DAAM1: variants seen among roughly 807,000 people sequenced by gnomAD.
The protein encoded by DAAM1 is dishevelled associated activator of morphogenesis 1, also known as disheveled-associated activator of morphogenesis 1.
DAAM1 carries 52 observed loss-of-function variants against 130.0 expected under a neutral mutation model. That is an observed-to-expected ratio of 0.40 (90% CI 0.32 to 0.50). The LOEUF is 0.50. Ranked by LOEUF, DAAM1 falls within the 20% of genes least tolerant of loss-of-function variation. The pLI is 0.61. For missense variants in DAAM1, 1,134 were observed against 1,303.8 expected, an observed-to-expected ratio of 0.87 and a Z score of 2.01; for synonymous variants, 452 against 444.5, an observed-to-expected ratio of 1.02 and a Z score of -0.21.
intron 14 of DAAM1, 93 bp downstream of exon 14, chr14:59,331,601 G>T (rs555795087): frequency 3.3e-6 from 5 of 1,510,510 alleles, no homozygotes; most frequent in Non-Finnish European, 3.5e-6. Context: ...GCTGTTAAAT[G>T]ATTTCATTTT....
At chr14:59,323,929 G>A (rs920168899) in intron 6 of DAAM1, among the ~76,000 whole-genome samples, 199 bp from the exon 7 acceptor site, 1 of 152,048 alleles carries the variant, frequency 6.6e-6, no homozygotes, top group African/African-American at 2.4e-5. Flanking sequence ...CTACTCGGGA[G>A]GCTGAGGCAA....
intron 1 of DAAM1, among the ~76,000 whole-genome samples, chr14:59,223,300 A>G (rs1888835106): frequency 6.6e-6 from 1 of 152,196 alleles, no homozygotes; most frequent in Non-Finnish European, 1.5e-5. Context: ...TGATCATATA[A>G]TACCCAATTC....
intron 2 of DAAM1, among the ~76,000 whole-genome samples, chr14:59,278,718 G>C (rs939964850): frequency 6.6e-6 from 1 of 152,084 alleles, no homozygotes; most frequent in Non-Finnish European, 1.5e-5. Context: ...GGCCTAAATG[G>C]AATACACACT....
At chr14:59,195,055 C>T (rs539079738) in intron 1 of DAAM1, among the ~76,000 whole-genome samples, 8 of 151,960 alleles carry the variant, frequency 5.3e-5, no homozygotes, top group African/African-American at 1.9e-4. Flanking sequence ...GCTTGTTAGC[C>T]ATTAGGCTAC....
intron 2 of DAAM1, among the ~76,000 whole-genome samples, chr14:59,266,669 A>G (rs756615172): frequency 3.3e-5 from 5 of 152,212 alleles, no homozygotes; most frequent in African/African-American, 4.8e-5. Context: ...AAGACCACAA[A>G]TCTATCCAAT....
intron 1 of DAAM1, among the ~76,000 whole-genome samples, chr14:59,261,468 G>A (rs1055709059): frequency 6.6e-6 from 1 of 152,172 alleles, no homozygotes; most frequent in Non-Finnish European, 1.5e-5. Flanking sequence ...CCTTGCACAA[G>A]TACACCCTAG....
chr14:59,317,206 A>G (rs1405789633), intron 4 of DAAM1, among the ~76,000 whole-genome samples: 2 of 152,208 alleles, frequency 1.3e-5, no homozygotes, highest in Admixed American at 1.3e-4. Context: ...ACACCTAAGA[A>G]AGCTTTCTAA....
In DAAM1 at chr14:59,367,329, A is replaced by ATGTT. The variant is rs1486921945; in HGVS notation, c.2827-100_2827-99insTGTT. ...AAAAATAAATGAGCAAACAAAACTT[A>ATGTT]CGTTTGACTCAATCTGGGCTTTGGT... On this transcript the variant is annotated intron_variant, in intron 23 of 24. Coordinates refer to ENST00000360909, the MANE Select transcript of DAAM1 (RefSeq NM_001270520.2). 3.2e-5 allele frequency: 47 copies of ATGTT among 1,479,314 alleles called. No homozygotes were observed. The African/African-American group carries it at 6.5e-4, about 20-fold the overall frequency. The allele number at this position is 1,479,314 out of a possible 1,614,324, so 91.6% of individuals were successfully genotyped here.
At position 59,263,443 on chromosome 14, in the gene DAAM1, T is replaced by G; in HGVS notation, c.-35T>G. ...CATGTCATATCCTCTTTTTGCAGCG[T>G]TTAGTCACATCAAGAAATAGAACAG... On this transcript the variant is annotated splice_region_variant and 5_prime_UTR_variant, in exon 2 of 25. Coordinates refer to ENST00000360909, the MANE Select transcript of DAAM1 (RefSeq NM_001270520.2). 1 of 1,612,696 alleles carries G rather than the reference T, an allele frequency of 6.2e-7. No homozygotes were observed. The highest frequency in any genetic ancestry group is 8.5e-7 in the Non-Finnish European group (1 of 1,178,770).
At chr14:59,271,277 A>G (rs951221457) in intron 2 of DAAM1, among the ~76,000 whole-genome samples, 2 of 152,186 alleles carry the variant, frequency 1.3e-5, no homozygotes, top group African/African-American at 2.4e-5. Context: ...CAAAACCACT[A>G]TTTATACTAC....
chr14:59,227,602 T>A (rs754254719), intron 1 of DAAM1, among the ~76,000 whole-genome samples: 1 of 152,244 alleles, frequency 6.6e-6, no homozygotes, highest in Non-Finnish European at 1.5e-5. Flanking sequence ...ATTCTCCCCA[T>A]GTCTCATTAT....
At chr14:59,200,311 G>T (rs1371960873) in intron 1 of DAAM1, among the ~76,000 whole-genome samples, 6 of 152,110 alleles carry the variant, frequency 3.9e-5, no homozygotes, top group African/African-American at 1.4e-4. Context: ...GGGGCTTTGG[G>T]GAAAGGGAAG....
In DAAM1 at chr14:59,324,512, A is replaced by G. The variant is rs78937873; in HGVS notation, c.989+58A>G. On this transcript the variant is annotated intron_variant, in intron 8 of 24. Coordinates refer to ENST00000360909, the MANE Select transcript of DAAM1 (RefSeq NM_001270520.2). ...CTGTGTTTCCCATCTGTGTAATGCA[A>G]TACCTCATCAAGTGCTGGCCTGTGG... 784 of 1,137,520 alleles carry G rather than the reference A, an allele frequency of 6.9e-4. 3 individuals are homozygous for G. The African/African-American group carries it at 0.011, about 15-fold the overall frequency. The allele number at this position is 1,137,520 out of a possible 1,614,324, so 70.5% of individuals were successfully genotyped here.
At chr14:59,241,504 G>C (rs987311170) in intron 1 of DAAM1, among the ~76,000 whole-genome samples, 1 of 152,174 alleles carries the variant, frequency 6.6e-6, no homozygotes, top group Non-Finnish European at 1.5e-5. Context: ...GTAGTTGATA[G>C]CTTACCAGTT....
In DAAM1 at chr14:59,230,041, A is replaced by G. The variant is rs539623290; in HGVS notation, c.-37-33400A>G. On this transcript the variant is annotated intron_variant, in intron 1 of 24. Coordinates refer to ENST00000360909, the MANE Select transcript of DAAM1 (RefSeq NM_001270520.2). ...GCTGATTTTAAATTTAAGGCCCACT[A>G]TTAACTCTCTTACCCTTGCAAATTG... Among the ~76,000 whole-genome samples, 8 of 152,346 alleles carry G rather than the reference A, an allele frequency of 5.3e-5. No individual in the cohort carries two copies. The South Asian group carries it at 1.0e-3, about 20-fold the overall frequency.
chr14:59,297,464 A>G (rs1275826590), intron 3 of DAAM1, among the ~76,000 whole-genome samples: 1 of 152,232 alleles, frequency 6.6e-6, no homozygotes, highest in Admixed American at 6.5e-5. Context: ...CACTATAGCC[A>G]TAGTCATACT....
At chr14:59,224,554 G>T (rs1177066477) in intron 1 of DAAM1, among the ~76,000 whole-genome samples, 4 of 152,338 alleles carry the variant, frequency 2.6e-5, no homozygotes, top group Middle Eastern at 6.8e-3. Context: ...TGCCTCAGAT[G>T]AATCATACAT....
intron 4 of DAAM1, among the ~76,000 whole-genome samples, chr14:59,319,123 C>T (rs1884905993): frequency 1.3e-5 from 2 of 152,128 alleles, no homozygotes; most frequent in African/African-American, 4.8e-5. Flanking sequence ...GGGGATGGGT[C>T]TCAGGGAGCT....
chr14:59,284,016 A>G (rs1187477173), intron 2 of DAAM1, among the ~76,000 whole-genome samples: 1 of 152,160 alleles, frequency 6.6e-6, no homozygotes, highest in Non-Finnish European at 1.5e-5. Context: ...ACTTACTGAA[A>G]ATGCAGTGTC....
Sources: gnomAD v4.1 joint callset for allele counts (sites outside exome capture counted in the v4.1 genomes callset) on GRCh38, gnomAD v4.1.1 for gene constraint, MANE v1.5 for transcripts, NCBI Gene and HGNC (gene_info 2026-07-23, HGNC 2026-07-21) for gene names.